Variants in ATP2B2 observed in about 807,000 individuals in gnomAD.
The protein encoded by ATP2B2 is ATPase plasma membrane Ca2+ transporting 2, also known as plasma membrane calcium-transporting ATPase 2.
A neutral mutation model predicts 120.0 loss-of-function variants in ATP2B2; 15 were observed. The observed-to-expected ratio is 0.12, with a 90% CI of 0.08 to 0.19. ATP2B2 has a LOEUF of 0.19. Ranked by LOEUF, ATP2B2 falls within the 10% of genes least tolerant of loss-of-function variation. ATP2B2 has a pLI of 1.00. For synonymous variants in ATP2B2, 694 were observed against 700.3 expected (o/e 0.99, Z 0.14); for missense variants, 1,045 against 1,719.8 (o/e 0.61, Z 6.94).
intron 2 of ATP2B2, among the ~76,000 whole-genome samples, chr3:10,573,365 G>A (rs1398714116): frequency 6.6e-6 from 1 of 152,138 alleles, no homozygotes; most frequent in Non-Finnish European, 1.5e-5. Context: ...TAAGTTCACT[G>A]CACCAGGATG....
intron 3 of ATP2B2, among the ~76,000 whole-genome samples, chr3:10,528,301 C>T (rs533881019): frequency 3.3e-5 from 5 of 152,190 alleles, no homozygotes; most frequent in South Asian, 2.1e-4. Flanking sequence ...AAACAAGTCA[C>T]GTGGGGAAAT....
intron 1 of ATP2B2, among the ~76,000 whole-genome samples, chr3:10,692,989 C>T (rs1218528850): frequency 1.3e-5 from 2 of 152,226 alleles, no homozygotes; most frequent in African/African-American, 4.8e-5. Context: ...TACAAACTTA[C>T]ATCAGGGGCT....
At chr3:10,656,071 C>T (rs890136119) in intron 1 of ATP2B2, among the ~76,000 whole-genome samples, 1 of 152,158 alleles carries the variant, frequency 6.6e-6, no homozygotes, top group African/African-American at 2.4e-5. Context: ...AAGGTCTGTC[C>T]TGGAGAAACT....
chr3:10,652,970 C>T (rs1159852540), intron 1 of ATP2B2, among the ~76,000 whole-genome samples: 2 of 152,004 alleles, frequency 1.3e-5, no homozygotes, highest in Non-Finnish European at 2.9e-5. Context: ...ATGGGTACAG[C>T]GTTTCAGTTA....
At chr3:10,562,021 T>G (rs923799313) in intron 2 of ATP2B2, among the ~76,000 whole-genome samples, 1 of 152,210 alleles carries the variant, frequency 6.6e-6, no homozygotes, top group Non-Finnish European at 1.5e-5. Context: ...GCTGTATCCC[T>G]TGTTCATTTT....
At chr3:10,411,866 C>A (rs1412028975) in intron 2 of ATP2B2, among the ~76,000 whole-genome samples, 1 of 152,180 alleles carries the variant, frequency 6.6e-6, no homozygotes, top group Non-Finnish European at 1.5e-5. Context: ...GCCAGGTGCA[C>A]CCCTCATCAT....
At chr3:10,486,157 G>A (rs1184786433) in intron 1 of ATP2B2, among the ~76,000 whole-genome samples, 2 of 152,120 alleles carry the variant, frequency 1.3e-5, no homozygotes, top group East Asian at 1.9e-4. Context: ...CCCGCTCATC[G>A]AGCATAAGAT....
chr3:10,688,660 T>G (rs554529066), intron 1 of ATP2B2, among the ~76,000 whole-genome samples: 1 of 152,250 alleles, frequency 6.6e-6, no homozygotes, highest in Admixed American at 6.5e-5. Context: ...TCCACAGTGG[T>G]GTGATGTCTC....
chr3:10,530,462 G>A (rs559530809), intron 3 of ATP2B2, among the ~76,000 whole-genome samples: 1 of 152,324 alleles, frequency 6.6e-6, no homozygotes, highest in South Asian at 2.1e-4. Context: ...CTCCCCAAGT[G>A]AGGCCTAGTG....
chr3:10,379,092 A>G lies in ATP2B2; in HGVS notation c.1042+151T>C, dbSNP rs111800786. Reference sequence around the variant, plus strand: ...CTTTATTTGGCCTGGCACCATGCAAATCACAGCTACACCCCCAAGGTCGTC... The same window carrying G: ...CTTTATTTGGCCTGGCACCATGCAAGTCACAGCTACACCCCCAAGGTCGTC... On this transcript the variant is annotated intron_variant, in intron 9 of 22. Transcript: ENST00000360273. 1.7e-3 allele frequency: 1,654 copies of G among 954,872 alleles called. 24 individuals are homozygous for G. The African/African-American group carries it at 0.023, about 13-fold the overall frequency. 59.1% of individuals were successfully genotyped at this position (954,872 alleles called of 1,614,324 possible). A position where few individuals can be genotyped will look rare whatever the true frequency, so the allele number is the denominator to read the frequency against.
intron 1 of ATP2B2, among the ~76,000 whole-genome samples, chr3:10,630,592 T>C (rs952382098): frequency 2.6e-5 from 4 of 152,240 alleles, no homozygotes; most frequent in African/African-American, 9.6e-5. Context: ...TTTAGGTTGA[T>C]TCCATGTCTT....
At chr3:10,492,808 G>A (rs1446023107) in intron 1 of ATP2B2, among the ~76,000 whole-genome samples, 1 of 152,174 alleles carries the variant, frequency 6.6e-6, no homozygotes, top group Non-Finnish European at 1.5e-5. Context: ...AAGTGTGATG[G>A]TGAGGGAGGA....
At chr3:10,522,238 C>T (rs1055012602) in intron 3 of ATP2B2, among the ~76,000 whole-genome samples, 2 of 152,168 alleles carry the variant, frequency 1.3e-5, no homozygotes, top group African/African-American at 2.4e-5. Flanking sequence ...TTTGAGGAGG[C>T]TTCCTTTTCA....
At chr3:10,564,446 A>G (rs548956475) in intron 2 of ATP2B2, among the ~76,000 whole-genome samples, 2 of 152,118 alleles carry the variant, frequency 1.3e-5, no homozygotes, top group African/African-American at 2.4e-5. Flanking sequence ...CTCCTCCCCA[A>G]CAGTGGGGGC....
chr3:10,383,693 C>A (rs2061594036), intron 8 of ATP2B2, among the ~76,000 whole-genome samples: 1 of 152,192 alleles, frequency 6.6e-6, no homozygotes, highest in South Asian at 2.1e-4. Context: ...ACAATAAAAC[C>A]TGTATCATGG....
intron 2 of ATP2B2, among the ~76,000 whole-genome samples, chr3:10,585,324 T>C (rs908091665): frequency 4.8e-5 from 6 of 126,306 alleles, no homozygotes; most frequent in South Asian, 2.7e-4. Flanking sequence ...TGAAACCCCA[T>C]CTCTACTAAA....
At chr3:10,445,828 G>A (rs970273603) in intron 2 of ATP2B2, among the ~76,000 whole-genome samples, 1 of 152,238 alleles carries the variant, frequency 6.6e-6, no homozygotes, top group East Asian at 1.9e-4. Flanking sequence ...GAGTCCCTGT[G>A]TCTGGAGCTG....
intron 2 of ATP2B2, among the ~76,000 whole-genome samples, chr3:10,547,371 A>G (rs2125505738): frequency 6.6e-6 from 1 of 152,256 alleles, no homozygotes; most frequent in South Asian, 2.1e-4. Flanking sequence ...TATGGTAGTA[A>G]GACACAGGGG....
At chr3:10,579,923 C>T (rs533385666) in intron 2 of ATP2B2, among the ~76,000 whole-genome samples, 2 of 152,318 alleles carry the variant, frequency 1.3e-5, no homozygotes, top group East Asian at 3.9e-4. Flanking sequence ...ACAAGTGACT[C>T]CATTTGGCTC....
Sources: gnomAD v4.1 joint callset for allele counts (sites outside exome capture counted in the v4.1 genomes callset) on GRCh38, gnomAD v4.1.1 for gene constraint, MANE v1.5 for transcripts, NCBI Gene and HGNC (gene_info 2026-07-23, HGNC 2026-07-21) for gene names.